The following PTPRS variants were observed in gnomAD, a reference collection of about 807,000 sequenced individuals.
The protein encoded by PTPRS is protein tyrosine phosphatase receptor type S.
Under a neutral mutation model 215.3 loss-of-function variants are expected in PTPRS, and 63 were observed. The ratio of observed to expected loss-of-function variants is 0.29; its 90% CI spans 0.24 to 0.36. The LOEUF (loss-of-function observed/expected upper bound fraction) is 0.36. Ranked by LOEUF, PTPRS falls within the 10% of genes least tolerant of loss-of-function variation. The pLI, the probability that PTPRS is intolerant of heterozygous loss-of-function variation, is 1.00. For synonymous variants in PTPRS, 1,404 were observed against 1,191.4 expected (o/e 1.18, Z -3.68); for missense variants, 2,258 against 2,825.8 (o/e 0.80, Z 4.56).
intron 3 of PTPRS, among the ~76,000 whole-genome samples, chr19:5,273,797 C>T (rs1275974142): frequency 1.3e-5 from 2 of 152,118 alleles, no homozygotes; most frequent in Non-Finnish European, 2.9e-5. Context: ...CATATAAGAA[C>T]AGGGTGTTGT....
Position 5,339,902 on chromosome 19 carries a change from G to A in PTPRS, c.-95+762C>T, listed in dbSNP as rs1022808374. ...GGGTGCTGGGCGTGCGCGTCTGCCTGCCAGAGCCCCTGGGGCTGGGGGCTG... is the reference window on the plus strand; with the variant it reads ...GGGTGCTGGGCGTGCGCGTCTGCCTACCAGAGCCCCTGGGGCTGGGGGCTG... On this transcript the variant is annotated intron_variant, in intron 1 of 37. Coordinates refer to ENST00000262963, the MANE Select transcript of PTPRS (RefSeq NM_002850.4). This position sits in a 1 kb window ranked among gnomAD's most constrained non-coding sequence, Gnocchi z 4.2. Among the ~76,000 whole-genome samples the A allele has an allele frequency of 6.6e-6, 1 of 151,826 alleles. No homozygotes were observed. The highest frequency in any genetic ancestry group is 2.4e-5 in the African/African-American group (1 of 41,390).
intron 1 of PTPRS, among the ~76,000 whole-genome samples, chr19:5,307,405 A>G (rs899075696): frequency 2.9e-4 from 42 of 146,062 alleles, no homozygotes; most frequent in African/African-American, 1.0e-3. Context: ...TCTTAGTGTT[A>G]TGAGATCAGT....
chr19:5,257,889 C>CGGTG lies in PTPRS; in HGVS notation c.706+127_706+128insCACC. 1 of 757,934 alleles carries CGGTG rather than the reference C, an allele frequency of 1.3e-6. No homozygotes were observed. The highest frequency in any genetic ancestry group is 2.6e-5 in the East Asian group (1 of 38,918). 47.0% of individuals were successfully genotyped at this position (757,934 alleles called of 1,614,324 possible). On this transcript the variant is annotated intron_variant, in intron 8 of 37. Coordinates refer to ENST00000262963, the MANE Select transcript of PTPRS (RefSeq NM_002850.4). This position sits in a 1 kb window ranked among gnomAD's most constrained non-coding sequence, Gnocchi z 4.4. ...CGCCGCCTCGGCCAAGGTCCCACCG[C>CGGTG]GACCGGGGAGGGGCCTTCCTGCTTG...
intron 1 of PTPRS, among the ~76,000 whole-genome samples, chr19:5,331,348 A>T (rs933190386): frequency 2.0e-5 from 3 of 151,600 alleles, no homozygotes; most frequent in African/African-American, 7.3e-5. Context: ...GCCCAGTCTG[A>T]TCTTGAACTC....
At chr19:5,277,065 T>G (rs10417153) in intron 2 of PTPRS, among the ~76,000 whole-genome samples, 1,823 of 150,944 alleles carry the variant, frequency 0.012, 46 homozygotes, top group African/African-American at 0.039. Flanking sequence ...GTGTTTTTTT[T>G]TTTTTTTTTT....
chr19:5,228,934 G>C (rs1404562579), intron 16 of PTPRS, among the ~76,000 whole-genome samples: 1 of 152,226 alleles, frequency 6.6e-6, no homozygotes, highest in Admixed American at 6.5e-5. Context: ...TGACAGTAAA[G>C]GGTGGGGCTG....
intron 2 of PTPRS, chr19:5,278,278 G>T: frequency 2.8e-6 from 1 of 352,480 alleles, no homozygotes; most frequent in South Asian, 2.7e-5. Flanking sequence ...GAGTGCAATG[G>T]CACGAACATA....
At chr19:5,259,710 C>CA (rs1295876386) in intron 7 of PTPRS, among the ~76,000 whole-genome samples, 2 of 152,216 alleles carry the variant, frequency 1.3e-5, no homozygotes, top group African/African-American at 4.8e-5. Flanking sequence ...GTGTTTGAAT[C>CA]ACAGGCTTCA....
chr19:5,216,951 CTCTGGCTGGACACCAGTCAA>C (rs1458654261), intron 25 of PTPRS, among the ~76,000 whole-genome samples, 184 bp from the exon 26 acceptor site: 1 of 152,230 alleles, frequency 6.6e-6, no homozygotes, highest in Non-Finnish European at 1.5e-5. Flanking sequence ...CTGTGTACCC[CTCTGGCTGGACACCAGTCAA>C]TCCTGGTCTT....
chr19:5,241,313 T>C (rs1050876361), intron 11 of PTPRS, among the ~76,000 whole-genome samples: 1 of 152,138 alleles, frequency 6.6e-6, no homozygotes, highest in African/African-American at 2.4e-5. Flanking sequence ...AAACGGGGTC[T>C]CACTGTGTCA....
chr19:5,337,422 G>T (rs1427285654), intron 1 of PTPRS, among the ~76,000 whole-genome samples: 1 of 152,248 alleles, frequency 6.6e-6, no homozygotes, highest in South Asian at 2.1e-4. Flanking sequence ...TCCCTCTCCG[G>T]CCATCCCACT....
At chr19:5,268,336 G>A (rs1277079810) in intron 4 of PTPRS, among the ~76,000 whole-genome samples, 1 of 152,078 alleles carries the variant, frequency 6.6e-6, no homozygotes, top group Non-Finnish European at 1.5e-5. Context: ...CTTCCTGGTG[G>A]TCTGGAGAAA....
In PTPRS at chr19:5,231,329, G is replaced by A. The variant is rs377007223; in HGVS notation, c.2136C>T (p.Val712=). 7 of 1,609,562 alleles carry A rather than the reference G, an allele frequency of 4.3e-6. No individual in the cohort carries two copies. Among genetic ancestry groups the A allele is most frequent in the Admixed American group, 1.7e-5 (1 of 60,000 alleles). Residue 712 remains valine, a synonymous_variant, in exon 14 of 38, where the codon GTC becomes GTT. Transcript: ENST00000262963. The part of the protein sequence containing the change: ...VGPGPESSPV[V]VRTDEDVPSA... Reference sequence around the variant, plus strand: ...ACTTACCATCCTCGTCGGTGCGGACGACCACGGGCGAGCTCTCGGGCCCTG... The same window carrying A: ...ACTTACCATCCTCGTCGGTGCGGACAACCACGGGCGAGCTCTCGGGCCCTG...
At chr19:5,290,573 C>A (rs984387481) in intron 1 of PTPRS, among the ~76,000 whole-genome samples, 1 of 152,088 alleles carries the variant, frequency 6.6e-6, no homozygotes, top group Non-Finnish European at 1.5e-5. Context: ...CTGTGTCACC[C>A]GCACGAGGCG....
intron 1 of PTPRS, among the ~76,000 whole-genome samples, chr19:5,290,071 G>A (rs1355593293): frequency 6.6e-6 from 1 of 152,246 alleles, no homozygotes; most frequent in Non-Finnish European, 1.5e-5. Flanking sequence ...ATGGTGGCCA[G>A]CGAGGCTGAG....
At chr19:5,326,287 T>C (rs2050164426) in intron 1 of PTPRS, among the ~76,000 whole-genome samples, 1 of 151,950 alleles carries the variant, frequency 6.6e-6, no homozygotes, top group South Asian at 2.1e-4. Context: ...TGTGCTGGGC[T>C]TAAGGCTAAA....
chr19:5,273,224 C>T, intron 4 of PTPRS: 2 of 606,340 alleles, frequency 3.3e-6, no homozygotes, highest in Non-Finnish European at 5.8e-6. Context: ...TAGGATGATT[C>T]TAGTCTCTCA....
At chr19:5,238,814 C>T (rs1283067896) in intron 13 of PTPRS, 105 bp downstream of exon 13, 6 of 1,405,206 alleles carry the variant, frequency 4.3e-6, no homozygotes, top group South Asian at 3.1e-5. Context: ...GGAGGCGCCC[C>T]CCACCCACTG....
intron 1 of PTPRS, among the ~76,000 whole-genome samples, chr19:5,327,054 C>A (rs978477837): frequency 2.0e-5 from 3 of 152,308 alleles, no homozygotes; most frequent in Non-Finnish European, 4.4e-5. Flanking sequence ...CTGAGGTGGT[C>A]CAAGGGTAGC....
Sources: allele counts gnomAD v4.1 joint callset (sites outside exome capture counted in the v4.1 genomes callset), GRCh38; gene constraint gnomAD v4.1.1; non-coding constraint Gnocchi (gnomAD v3.1); transcripts MANE v1.5; gene names NCBI Gene and HGNC (gene_info 2026-07-23, HGNC 2026-07-21).